The following CSMD2 variants were observed in gnomAD, a reference collection of about 807,000 sequenced individuals.
The protein encoded by CSMD2 is CUB and Sushi multiple domains 2.
CSMD2 carries 130 observed loss-of-function variants against 398.5 expected under a neutral mutation model. The observed-to-expected ratio is 0.33, with a 90% CI of 0.28 to 0.38. CSMD2 has a LOEUF of 0.38. Ranked by LOEUF, CSMD2 falls within the 10% of genes least tolerant of loss-of-function variation. The probability of loss-of-function intolerance (pLI) is 1.00; values close to 1 mark genes in which losing one functional copy is unlikely to be tolerated. For missense variants in CSMD2, 3,829 were observed against 4,764.9 expected, an observed-to-expected ratio of 0.80 and a Z score of 5.78; for synonymous variants, 1,828 against 1,908.5, an observed-to-expected ratio of 0.96 and a Z score of 1.10.
intron 3 of CSMD2, among the ~76,000 whole-genome samples, chr1:33,952,675 TACACACACACAC>T (rs71740719): frequency 6.7e-6 from 1 of 148,622 alleles, no homozygotes; most frequent in African/African-American, 2.5e-5. Context: ...TTTTGTTGTT[TACACACACACAC>T]ACACACACAC....
At chr1:33,608,688 G>A (rs925341588) in intron 41 of CSMD2, among the ~76,000 whole-genome samples, 1 of 152,116 alleles carries the variant, frequency 6.6e-6, no homozygotes, top group African/African-American at 2.4e-5. Context: ...CCAGAGGTCG[G>A]GGTGATACTT....
chr1:34,097,905 A>G (rs1295745406), intron 1 of CSMD2, among the ~76,000 whole-genome samples: 1 of 124,348 alleles, frequency 8.0e-6, no homozygotes, highest in Non-Finnish European at 1.6e-5. Context: ...CAGCCATCCC[A>G]TTACTGGGTA....
At chr1:33,590,294 A>ATTTTTTTTTTTT (rs56252015) in intron 44 of CSMD2, among the ~76,000 whole-genome samples, 2 of 73,864 alleles carry the variant, frequency 2.7e-5, no homozygotes, top group African/African-American at 1.1e-4. Context: ...GCTAATTAAA[A>ATTTTTTTTTTTT]TTTTTTTTTT....
chr1:34,165,647 C>G (rs1390192382), upstream of CSMD2: 1 of 1,063,280 alleles, frequency 9.4e-7, no homozygotes, highest in African/African-American at 1.5e-5. Flanking sequence ...CTCACACACA[C>G]AGGCACATAC....
chr1:34,142,505 C>T (rs961482639), intron 1 of CSMD2, among the ~76,000 whole-genome samples: 1 of 152,190 alleles, frequency 6.6e-6, no homozygotes, highest in African/African-American at 2.4e-5. Context: ...TCAAGGCAGG[C>T]AGAAGGCTGT....
intron 3 of CSMD2, among the ~76,000 whole-genome samples, chr1:34,013,306 G>A (rs534179797): frequency 4.6e-4 from 70 of 152,298 alleles, no homozygotes; most frequent in Middle Eastern, 6.8e-3. Context: ...CTTTGTCTGC[G>A]CTGCCATCTG....
At chr1:33,698,724 G>C (rs768466045) in intron 24 of CSMD2, 29 bp downstream of exon 24, 2 of 1,593,188 alleles carry the variant, frequency 1.3e-6, no homozygotes, top group African/African-American at 2.7e-5. Flanking sequence ...GAGACCCAAG[G>C]GTTCCCTGCA....
intron 1 of CSMD2, among the ~76,000 whole-genome samples, chr1:34,098,326 G>T (rs1571112659): frequency 7.1e-6 from 1 of 140,200 alleles, no homozygotes. Context: ...TGACGAGTTA[G>T]TGGGTGCAGC....
intron 9 of CSMD2, among the ~76,000 whole-genome samples, chr1:33,817,445 A>G (rs1256346234): frequency 1.3e-5 from 2 of 152,228 alleles, no homozygotes; most frequent in Non-Finnish European, 2.9e-5. Context: ...TGGCTAAAAA[A>G]GATGAAGGAA....
chr1:33,864,758 C>G, intron 5 of CSMD2: 1 of 1,588,922 alleles, frequency 6.3e-7, no homozygotes, highest in South Asian at 1.2e-5. Flanking sequence ...GCTGATGGAT[C>G]CAGTTTGAAA....
chr1:33,664,528 G>A (rs1644244839), intron 25 of CSMD2, among the ~76,000 whole-genome samples: 1 of 152,148 alleles, frequency 6.6e-6, no homozygotes, highest in Non-Finnish European at 1.5e-5. Flanking sequence ...TAGGCCAGGA[G>A]CGGTGGCTCA....
intron 15 of CSMD2, among the ~76,000 whole-genome samples, chr1:33,737,015 C>T (rs1390803211): frequency 3.9e-5 from 6 of 152,198 alleles, no homozygotes; most frequent in Non-Finnish European, 8.8e-5. Flanking sequence ...CACCGATTCA[C>T]AACCCTCCAG....
At chr1:34,043,651 T>G (rs1340715962) in intron 2 of CSMD2, among the ~76,000 whole-genome samples, 1 of 152,228 alleles carries the variant, frequency 6.6e-6, no homozygotes, top group Admixed American at 6.5e-5. Context: ...AAGGCCTGAC[T>G]GCTATCCTTT....
chr1:33,624,570 G>C lies in CSMD2; in HGVS notation c.5574C>G (p.Asn1858Lys). 1 of 1,614,030 alleles carries C rather than the reference G, an allele frequency of 6.2e-7. No individual in the cohort carries two copies. ...LSPGFPEPYL[N>K]SLNCVWKIVV... ...CGATCTTCCACACACAGTTGAGGCT[G>C]TTGAGGTACGGCTCTGGGAAGCCAG... The change falls in exon 35 of 71, where the codon AAC becomes AAG. Residue 1858 changes from asparagine to lysine, a missense_variant. By Grantham distance (94) the Asn-to-Lys change is moderately conservative. This residue lies in a region of CSMD2 where 2,001 missense variants were observed against 2,567.1 expected (regional missense o/e 0.78). Coordinates refer to ENST00000373381, the MANE Select transcript of CSMD2 (RefSeq NM_001281956.2). The surrounding 1 kb of genome is among the most constrained non-coding windows in gnomAD (Gnocchi z 4.7).
At chr1:33,837,792 T>C (rs1002922988) in intron 6 of CSMD2, among the ~76,000 whole-genome samples, 1 of 152,234 alleles carries the variant, frequency 6.6e-6, no homozygotes, top group Non-Finnish European at 1.5e-5. Flanking sequence ...AACTGGTTGA[T>C]GGAAATCTTA....
At chr1:33,949,156 A>G (rs1644927007) in intron 3 of CSMD2, among the ~76,000 whole-genome samples, 2 of 152,238 alleles carry the variant, frequency 1.3e-5, no homozygotes, top group Admixed American at 1.3e-4. Flanking sequence ...CCCAGCTTAG[A>G]GAGCTGTTGA....
intron 9 of CSMD2, 132 bp from the exon 10 acceptor site, chr1:33,810,996 G>C: frequency 1.0e-6 from 1 of 988,630 alleles, no homozygotes. Context: ...TGCTTCCTGG[G>C]TCCTTCCTCT....
intron 1 of CSMD2, among the ~76,000 whole-genome samples, chr1:34,094,491 A>G (rs1341025923): frequency 6.6e-6 from 1 of 152,130 alleles, no homozygotes; most frequent in Non-Finnish European, 1.5e-5. Context: ...AAGACCCATC[A>G]GTGTGCTGTA....
chr1:33,785,692 A>T (rs946732647), intron 12 of CSMD2, among the ~76,000 whole-genome samples: 1 of 152,220 alleles, frequency 6.6e-6, no homozygotes, highest in African/African-American at 2.4e-5. Flanking sequence ...GGCATGCCCT[A>T]TCCTACCATG....
Sources: gnomAD v4.1 joint callset for allele counts (sites outside exome capture counted in the v4.1 genomes callset) on GRCh38, gnomAD v4.1.1 for gene constraint, gnomAD v4.1.1 regional missense constraint, Gnocchi (gnomAD v3.1) non-coding constraint, MANE v1.5 for transcripts, NCBI Gene and HGNC (gene_info 2026-07-23, HGNC 2026-07-21) for gene names.